Variants in MED24 observed in about 807,000 individuals in gnomAD.
MED24 encodes mediator complex subunit 24, also known as mediator of RNA polymerase II transcription subunit 24.
In MED24, 74 loss-of-function variants were observed where a neutral mutation model predicts 118.8. The ratio of observed to expected loss-of-function variants is 0.62; its 90% confidence interval spans 0.52 to 0.76. The LOEUF is 0.76. Ranked by LOEUF, MED24 falls within the 30% of genes least tolerant of loss-of-function variation. The probability of loss-of-function intolerance (pLI) is 0.00; values close to 1 mark genes in which losing one functional copy is unlikely to be tolerated. For missense variants in MED24, 1,041 were observed against 1,278.9 expected (o/e 0.81, Z 2.84); for synonymous variants, 521 against 523.9 (o/e 0.99, Z 0.08).
intron 4 of MED24, 101 bp from the exon 5 acceptor site, chr17:40,035,896 C>A: frequency 8.1e-7 from 1 of 1,234,350 alleles, no homozygotes; most frequent in Non-Finnish European, 1.2e-6. Flanking sequence ...CTCTCTCCTC[C>A]AACCCTGGGT....
In MED24 at chr17:40,033,273, G is replaced by T. The variant is rs1053340597; in HGVS notation, c.672-67C>A. On this transcript the variant is annotated intron_variant, in intron 7 of 25. Transcript: ENST00000394128. This position sits in a 1 kb window ranked among gnomAD's most constrained non-coding sequence, Gnocchi z 5.2. Reference sequence around the variant, plus strand: ...AAGGTGAAGGCGGAGAGGATGGCACGGGTGCCACATCTTCCTACCCCAGGG... The same window carrying T: ...AAGGTGAAGGCGGAGAGGATGGCACTGGTGCCACATCTTCCTACCCCAGGG... The T allele has an allele frequency of 6.2e-7, 1 of 1,609,854 alleles. No homozygotes were observed. Among genetic ancestry groups the T allele is most frequent in the Admixed American group, 1.7e-5 (1 of 60,010 alleles).
At chr17:40,041,087 A>T (rs1276225794) in intron 3 of MED24, among the ~76,000 whole-genome samples, 1 of 151,996 alleles carries the variant, frequency 6.6e-6, no homozygotes, top group Non-Finnish European at 1.5e-5. Flanking sequence ...CTACCTGCAC[A>T]CCTTCCATTG....
Position 40,019,866 on chromosome 17 carries a change from C to A in MED24, c.2772G>T (p.Val924=). 1 of 1,590,766 alleles carries A rather than the reference C, an allele frequency of 6.3e-7. No homozygotes were observed. The highest frequency in any genetic ancestry group is 2.3e-5 in the East Asian group (1 of 43,982). The part of the protein sequence containing the change: ...SRTAGPHTQF[V]QWFMEECVDC... ...CCACACACTCCTCCATGAACCACTG[C>A]ACGAACTGGGTGTGGGGGCCAGCGG... Residue 924 remains valine, a synonymous_variant, in exon 25 of 26, where the codon GTG becomes GTT. Transcript: ENST00000394128.
chr17:40,020,392 G>T (rs1453228079), intron 23 of MED24, 39 bp from the exon 24 acceptor site: 2 of 1,564,852 alleles, frequency 1.3e-6, no homozygotes, highest in Non-Finnish European at 8.7e-7. Context: ...GAAACAGCCT[G>T]CCGAGTGCAA....
At chr17:40,035,476 G>A (rs980577150) in intron 5 of MED24, 127 bp from the exon 6 acceptor site, 2 of 1,102,222 alleles carry the variant, frequency 1.8e-6, no homozygotes, top group African/African-American at 3.2e-5. Flanking sequence ...GCAAAGTCCT[G>A]GGGAAGATGC....
rs1445020446 is a variant in MED24 at position 40,019,634 on chromosome 17, C to T, written c.2865G>A (p.Leu955=). The T allele has an allele frequency of 6.3e-7, 1 of 1,594,658 alleles. No homozygotes were observed. Among genetic ancestry groups the T allele is most frequent in the Admixed American group, 1.7e-5 (1 of 58,676 alleles). ...GGCTGGACATGGCTGACACCTTCAC[C>T]AGTTCCGACACCTGCCACGGACAGA... The part of the protein sequence containing the change: ...QFMPFTTVSE[L]VKVSAMSSPK... The change falls in exon 26 of 26, where the codon CTG becomes CTA. Residue 955 remains leucine, a synonymous_variant. Transcript: ENST00000394128.
At chr17:40,050,621 TA>T (rs896792591) in intron 3 of MED24, among the ~76,000 whole-genome samples, 12 of 148,822 alleles carry the variant, frequency 8.1e-5, no homozygotes, top group Middle Eastern at 6.8e-3. Context: ...TCTCAGTAAA[TA>T]AAAAAAAAGT....
At position 40,023,367 on chromosome 17, in the gene MED24, G is replaced by A. The variant is rs748923472; in HGVS notation, c.2014C>T (p.Arg672Cys). Residue 672 changes from arginine to cysteine, a missense_variant, in exon 20 of 26, where the codon CGC (arginine) becomes TGC (cysteine). This residue lies in a region of MED24 where 587 missense variants were observed against 694.4 expected (regional missense o/e 0.85). Coordinates refer to ENST00000394128, the MANE Select transcript of MED24 (RefSeq NM_014815.4). ...TGCTGCAGCACGTCGGCACACATGC[G>A]CTCCAGGATCGAGTTCATGATCACC... ...RVVIMNSILE[R>C]MCADVLQQTA... is the part of the protein sequence containing the mutation. 1.4e-5 allele frequency: 22 copies of A among 1,605,072 alleles called. No individual in the cohort carries two copies. The highest frequency in any genetic ancestry group is 1.1e-4 in the East Asian group (5 of 44,770).
chr17:40,036,593 T>G (rs1983960269), intron 3 of MED24, among the ~76,000 whole-genome samples: 3 of 147,460 alleles, frequency 2.0e-5, no homozygotes, highest in African/African-American at 7.5e-5. Context: ...GAGGCTGAGG[T>G]AGGAGAATCG....
intron 3 of MED24, among the ~76,000 whole-genome samples, chr17:40,045,184 C>T (rs1985025659): frequency 6.6e-6 from 1 of 152,128 alleles, no homozygotes. Flanking sequence ...CACAGTGGCT[C>T]ACGCCTGTGA....
intron 3 of MED24, among the ~76,000 whole-genome samples, chr17:40,046,465 G>T (rs973625965): frequency 1.3e-4 from 20 of 150,858 alleles, no homozygotes; most frequent in Non-Finnish European, 1.9e-4. Context: ...AGAAGAAAAG[G>T]CCGGGCGCGG....
chr17:40,042,008 G>A (rs1167477318), intron 3 of MED24, among the ~76,000 whole-genome samples: 1 of 152,158 alleles, frequency 6.6e-6, no homozygotes, highest in Non-Finnish European at 1.5e-5. Flanking sequence ...GAATAGTGAT[G>A]AGAGAGACCA....
At chr17:40,048,368 T>C (rs1209637920) in intron 3 of MED24, among the ~76,000 whole-genome samples, 2 of 152,174 alleles carry the variant, frequency 1.3e-5, no homozygotes, top group African/African-American at 2.4e-5. Context: ...CTCACAATTG[T>C]ACAGTGGATT....
intron 3 of MED24, among the ~76,000 whole-genome samples, chr17:40,042,453 T>C (rs1180223523): frequency 1.3e-5 from 2 of 152,054 alleles, no homozygotes; most frequent in African/African-American, 2.4e-5. Flanking sequence ...GACAGATGGA[T>C]TATGAGGTCG....
At chr17:40,047,713 C>T (rs952059811) in intron 3 of MED24, among the ~76,000 whole-genome samples, 1 of 151,668 alleles carries the variant, frequency 6.6e-6, no homozygotes, top group African/African-American at 2.4e-5. Context: ...AAAAAAAAAC[C>T]CTGACTGAAT....
chr17:40,027,714 C>T lies in MED24; in HGVS notation c.1447+195G>A, dbSNP rs530938330. 5 of 696,240 alleles carry T rather than the reference C, an allele frequency of 7.2e-6. No individual in the cohort carries two copies. In the South Asian group the frequency reaches 7.3e-5, roughly 10 times the overall value. The allele number at this position is 696,240 out of a possible 1,614,324, so 43.1% of individuals were successfully genotyped here. A position where few individuals can be genotyped will look rare whatever the true frequency, so the allele number is the denominator to read the frequency against. On this transcript the variant is annotated intron_variant, in intron 15 of 25. Coordinates refer to ENST00000394128, the MANE Select transcript of MED24 (RefSeq NM_014815.4). ...AAGGGATGAGGGGGGGAAGGAGACA[C>T]AGGGATGGTCTGGGAAGAATCCTTT...
chr17:40,020,617 T>C, intron 23 of MED24: 1 of 549,556 alleles, frequency 1.8e-6, no homozygotes, highest in Admixed American at 2.9e-5. Context: ...CGAGACCTCA[T>C]CTCTACAAAA....
chr17:40,044,805 G>A (rs571917021), intron 3 of MED24, among the ~76,000 whole-genome samples: 2 of 151,086 alleles, frequency 1.3e-5, no homozygotes, highest in East Asian at 3.9e-4. Context: ...CGTGAATCCA[G>A]GAGGTGCAGC....
At position 40,027,001 on chromosome 17, in the gene MED24, C is replaced by T; in HGVS notation, c.1564G>A (p.Val522Met). Residue 522 changes from valine to methionine, a missense_variant, in exon 17 of 26, where the codon GTG (valine) becomes ATG (methionine). Physicochemically the swap from Val to Met is conservative, Grantham distance 21 (BLOSUM62 1). Transcript: ENST00000394128. ...ILSESRTGAE[V>M]PFFETWMQTC... ...TGCATCCAGGTCTCGAAGAAGGGCACCTCAGCTCCTGTGCGCGACTCGGAC... is the reference window on the plus strand; with the variant it reads ...TGCATCCAGGTCTCGAAGAAGGGCATCTCAGCTCCTGTGCGCGACTCGGAC... 1 of 1,614,174 alleles carries T rather than the reference C, an allele frequency of 6.2e-7. No individual in the cohort carries two copies. The highest frequency in any genetic ancestry group is 8.5e-7 in the Non-Finnish European group (1 of 1,180,028).
Sources: allele counts gnomAD v4.1 joint callset (sites outside exome capture counted in the v4.1 genomes callset), GRCh38; gene constraint gnomAD v4.1.1; regional missense constraint gnomAD v4.1.1; non-coding constraint Gnocchi (gnomAD v3.1); transcripts MANE v1.5; gene names NCBI Gene and HGNC (gene_info 2026-07-23, HGNC 2026-07-21).